CA13: variants seen among roughly 807,000 people sequenced by gnomAD.
The protein encoded by CA13 is carbonic anhydrase 13, also known as CA-XIII.
A neutral mutation model predicts 31.5 loss-of-function variants in CA13; 21 were observed. The observed-to-expected ratio is 0.67, with a 90% confidence interval of 0.47 to 0.96. CA13 has a LOEUF of 0.96. CA13 is among the 40% of genes least tolerant of loss of function. The probability of loss-of-function intolerance (pLI) is 0.00; values close to 1 mark genes in which losing one functional copy is unlikely to be tolerated. For synonymous variants in CA13, 117 were observed against 111.4 expected, an observed-to-expected ratio of 1.05 and a Z score of -0.32; for missense variants, 315 against 318.9, an observed-to-expected ratio of 0.99 and a Z score of 0.09.
chr8:85,257,850 T>A (rs1215382150), intron 2 of CA13, among the ~76,000 whole-genome samples: 1 of 149,016 alleles, frequency 6.7e-6, no homozygotes, highest in African/African-American at 2.4e-5. Context: ...CAGGCTGGTC[T>A]CAAACTCCTG....
chr8:85,278,056 T>C lies in CA13; in HGVS notation c.670-3174T>C, dbSNP rs768931878. 2.0e-4 allele frequency among the ~76,000 whole-genome samples: 30 copies of C among 149,610 alleles called. 2 individuals are homozygous for C. Among genetic ancestry groups the C allele is most frequent in the Middle Eastern group, 6.8e-3 (2 of 294 alleles). On this transcript the variant is annotated intron_variant, in intron 6 of 6. Coordinates refer to ENST00000321764, the MANE Select transcript of CA13 (RefSeq NM_198584.3). ...CGGGAGGATCACTTGAGGCCAGGAG[T>C]TCAAGACCAGTCTGGCCAACATAGC...
In CA13 at chr8:85,268,988, A is replaced by G. The variant is rs188631652; in HGVS notation, c.669+361A>G. Among the ~76,000 whole-genome samples, 636 of 152,342 alleles carry G rather than the reference A, an allele frequency of 4.2e-3. 4 individuals are homozygous for G. The highest frequency in any genetic ancestry group is 5.6e-3 in the Non-Finnish European group (383 of 68,030). On this transcript the variant is annotated intron_variant, in intron 6 of 6. Coordinates refer to ENST00000321764, the MANE Select transcript of CA13 (RefSeq NM_198584.3). ...AACAGGCTGAGATACAAACAAAAAA[A>G]TCAGAGAGCGGCTACTTATAGAAGG...
intron 6 of CA13, among the ~76,000 whole-genome samples, chr8:85,280,317 G>A (rs1807682405): frequency 1.3e-5 from 2 of 152,088 alleles, no homozygotes; most frequent in Non-Finnish European, 2.9e-5. Context: ...TATCACATGT[G>A]GAAAACATGG....
chr8:85,246,183 T>C (rs2129935484), intron 1 of CA13: 1 of 511,652 alleles, frequency 2.0e-6, no homozygotes, highest in Middle Eastern at 5.6e-4. Context: ...AACAGCCACG[T>C]ATCAATTACA....
At chr8:85,277,866 C>G (rs6993321) in intron 6 of CA13, among the ~76,000 whole-genome samples, 2 of 152,112 alleles carry the variant, frequency 1.3e-5, no homozygotes, top group East Asian at 1.9e-4. Context: ...GTATGTGTCT[C>G]CCAGCCAGCT....
intron 4 of CA13, among the ~76,000 whole-genome samples, chr8:85,267,626 C>A (rs1359102322): frequency 6.6e-6 from 1 of 152,182 alleles, no homozygotes; most frequent in East Asian, 1.9e-4. Flanking sequence ...ATCTTAAACA[C>A]TGATAAAACT....
intron 6 of CA13, among the ~76,000 whole-genome samples, chr8:85,277,037 C>T (rs966252013): frequency 5.9e-5 from 9 of 152,170 alleles, no homozygotes; most frequent in Non-Finnish European, 1.2e-4. Context: ...CCAATCAGCG[C>T]CCTGTCAAAA....
At chr8:85,254,027 C>T (rs1807239094) in intron 2 of CA13, among the ~76,000 whole-genome samples, 3 of 151,766 alleles carry the variant, frequency 2.0e-5, no homozygotes, top group Admixed American at 6.6e-5. Flanking sequence ...ATCTGTAATC[C>T]CAGCACTTTG....
intron 6 of CA13, among the ~76,000 whole-genome samples, chr8:85,272,910 C>T (rs747131431): frequency 3.3e-5 from 5 of 152,136 alleles, no homozygotes; most frequent in East Asian, 1.9e-4. Context: ...CACCACCTCC[C>T]GGGTTCAAGA....
chr8:85,250,121 A>T (rs1587531949), intron 1 of CA13, among the ~76,000 whole-genome samples: 1 of 152,236 alleles, frequency 6.6e-6, no homozygotes, highest in East Asian at 1.9e-4. Flanking sequence ...AATCAACAAT[A>T]TTACGTTTCC....
At chr8:85,264,716 C>T (rs1027823222) in intron 3 of CA13, among the ~76,000 whole-genome samples, 1 of 152,182 alleles carries the variant, frequency 6.6e-6, no homozygotes, top group Non-Finnish European at 1.5e-5. Context: ...CTATATCTTT[C>T]TCTGTTTGGT....
At chr8:85,256,204 C>A (rs183158043) in intron 2 of CA13, among the ~76,000 whole-genome samples, 3 of 151,940 alleles carry the variant, frequency 2.0e-5, no homozygotes, top group East Asian at 3.9e-4. Context: ...ATTGCTGGAA[C>A]CTTTATTTTT....
rs768952534 is a variant in CA13 at position 85,283,718 on chromosome 8, T to G, written c.*2369T>G. 1.3e-5 allele frequency: 2 copies of G among 152,616 alleles called. No homozygotes were observed. The highest frequency in any genetic ancestry group is 2.9e-5 in the Non-Finnish European group (2 of 68,026). The allele number at this position is 152,616 out of a possible 1,614,324, so 9.5% of individuals were successfully genotyped here. On this transcript the variant is annotated 3_prime_UTR_variant, in exon 7 of 7. Coordinates refer to ENST00000321764, the MANE Select transcript of CA13 (RefSeq NM_198584.3). The stretch of plus-strand genomic sequence containing the variant: ...GTAAGTTGCTATATGTGGAGGGGCA[T>G]GTAGGACAGGGGTTCTAATTACTGT...
intron 6 of CA13, among the ~76,000 whole-genome samples, chr8:85,276,178 C>A (rs890242930): frequency 7.2e-5 from 11 of 152,140 alleles, no homozygotes; most frequent in East Asian, 5.8e-4. Context: ...GCCCCGCGGA[C>A]CCCGGGCAGT....
intron 6 of CA13, among the ~76,000 whole-genome samples, chr8:85,276,330 G>A (rs373153648): frequency 2.6e-5 from 4 of 152,174 alleles, no homozygotes; most frequent in Non-Finnish European, 4.4e-5. Context: ...GCTCCTGTGC[G>A]GCCCGAGCTT....
At chr8:85,264,939 T>G in intron 3 of CA13, among the ~76,000 whole-genome samples, 1 of 152,250 alleles carries the variant, frequency 6.6e-6, no homozygotes, top group East Asian at 1.9e-4. Flanking sequence ...ACTTTTATAT[T>G]GCACAGTCTT....
At chr8:85,280,108 C>T (rs1368323669) in intron 6 of CA13, among the ~76,000 whole-genome samples, 1 of 152,034 alleles carries the variant, frequency 6.6e-6, no homozygotes, top group African/African-American at 2.4e-5. Context: ...GGTGAAACCC[C>T]ATCTCTACTA....
chr8:85,269,699 C>T (rs1443287100), intron 6 of CA13, among the ~76,000 whole-genome samples: 2 of 152,120 alleles, frequency 1.3e-5, no homozygotes, highest in African/African-American at 4.8e-5. Context: ...TGGAGCTTCC[C>T]CTGTAGGCCA....
chr8:85,269,837 T>C (rs974567326), intron 6 of CA13, among the ~76,000 whole-genome samples: 1 of 152,186 alleles, frequency 6.6e-6, no homozygotes, highest in Non-Finnish European at 1.5e-5. Flanking sequence ...GCCTCCCATG[T>C]AGCTGGAATT....
Sources: gnomAD v4.1 joint callset for allele counts (sites outside exome capture counted in the v4.1 genomes callset) on GRCh38, gnomAD v4.1.1 for gene constraint, MANE v1.5 for transcripts, NCBI Gene and HGNC (gene_info 2026-07-23, HGNC 2026-07-21) for gene names.